Variants in KDM5A observed in about 807,000 individuals in gnomAD.
The protein encoded by KDM5A is lysine-specific demethylase 5A.
A neutral mutation model predicts 193.5 loss-of-function variants in KDM5A; 42 were observed. The observed-to-expected ratio is 0.22, with a 90% CI of 0.17 to 0.28. The LOEUF (loss-of-function observed/expected upper bound fraction) is 0.28, where lower values mean the gene tolerates loss of function less well. KDM5A is among the 10% of genes least tolerant of loss of function. The pLI is 1.00. For synonymous variants in KDM5A, 796 were observed against 718.1 expected (o/e 1.11, Z -1.73); for missense variants, 1,692 against 2,055.1 (o/e 0.82, Z 3.42).
At chr12:369,171 TCAAA>T (rs200920792) in intron 3 of KDM5A, among the ~76,000 whole-genome samples, 1,645 of 152,272 alleles carry the variant, frequency 0.011, 13 homozygotes, top group Middle Eastern at 0.027. Context: ...CCCTCTCTGT[TCAAA>T]CAATCAATCA....
intron 4 of KDM5A, 74 bp from the exon 5 acceptor site, chr12:363,171 A>G: frequency 6.4e-7 from 1 of 1,554,120 alleles, no homozygotes; most frequent in South Asian, 1.1e-5. Context: ...TGTAAAAGTA[A>G]TAAATTGCCA....
intron 27 of KDM5A, among the ~76,000 whole-genome samples, chr12:291,876 T>A (rs1045307091): frequency 6.6e-6 from 1 of 151,782 alleles, no homozygotes; most frequent in Non-Finnish European, 1.5e-5. Context: ...ACTTAAAATT[T>A]AGGGTTGGAA....
At chr12:339,094 C>T (rs949995582) in intron 10 of KDM5A, among the ~76,000 whole-genome samples, 1 of 151,562 alleles carries the variant, frequency 6.6e-6, no homozygotes, top group African/African-American at 2.4e-5. Flanking sequence ...AGGAGAAACG[C>T]CTGAACCCGG....
rs7973426 is a variant in KDM5A at position 284,731 on chromosome 12, C to T, written c.*725G>A. On this transcript the variant is annotated 3_prime_UTR_variant, in exon 28 of 28. Transcript: ENST00000399788. ...AAGACTTTTCAAAGCCAAAAAACGG[C>T]TCCTTGCCTTGTAGTAGGTTCTTCT... The T allele has an allele frequency of 2.2e-3, 510 of 233,028 alleles. 2 individuals carry two copies. Among genetic ancestry groups the T allele is most frequent in the African/African-American group, 0.01 (472 of 45,408 alleles). The allele number at this position is 233,028 out of a possible 1,614,324, so 14.4% of individuals were successfully genotyped here.
chr12:306,371 T>G (rs1943507070), intron 24 of KDM5A, among the ~76,000 whole-genome samples: 1 of 152,222 alleles, frequency 6.6e-6, no homozygotes, highest in Non-Finnish European at 1.5e-5. Flanking sequence ...CTTTACATAT[T>G]GTTTTTCTAG....
chr12:287,835 A>C (rs1401090908), intron 27 of KDM5A, among the ~76,000 whole-genome samples: 2 of 152,200 alleles, frequency 1.3e-5, no homozygotes, highest in African/African-American at 4.8e-5. Flanking sequence ...TACAAAGAAA[A>C]GTGTCCCATG....
chr12:286,568 T>C (rs1186741030), intron 27 of KDM5A, among the ~76,000 whole-genome samples: 5 of 152,310 alleles, frequency 3.3e-5, no homozygotes, highest in East Asian at 3.9e-4. Context: ...GGTCATTTCA[T>C]TGGTAACGTT....
intron 17 of KDM5A, 103 bp downstream of exon 17, chr12:322,314 G>A (rs1401475924): frequency 2.4e-5 from 24 of 982,760 alleles, no homozygotes; most frequent in Non-Finnish European, 3.7e-5. Context: ...ATGGCAACAA[G>A]AGGTCAAAGA....
chr12:362,921 CATCTTTA>C (rs1320760354), intron 5 of KDM5A, 35 bp downstream of exon 5: 1 of 1,592,990 alleles, frequency 6.3e-7, no homozygotes, highest in Admixed American at 1.7e-5. Flanking sequence ...CAGGAGACTA[CATCTTTA>C]TTTAAAAATT....
chr12:358,853 C>T (rs2041299), intron 5 of KDM5A, among the ~76,000 whole-genome samples: 128,295 of 151,994 alleles, frequency 0.84, 54,464 homozygotes, highest in African/African-American at 0.93. Context: ...GTGCCTATAA[C>T]CCCAGCTACT....
chr12:280,794 A>C lies in KDM5A; in HGVS notation c.*4662T>G, dbSNP rs548715660. The C allele has an allele frequency of 6.4e-5, 15 of 232,896 alleles. No individual in the cohort carries two copies. Among genetic ancestry groups the C allele is most frequent in the Non-Finnish European group, 1.0e-4 (12 of 117,872 alleles). The allele number at this position is 232,896 out of a possible 1,614,324, so 14.4% of individuals were successfully genotyped here. A position where few individuals can be genotyped will look rare whatever the true frequency, so the allele number is the denominator to read the frequency against. On this transcript the variant is annotated 3_prime_UTR_variant, in exon 28 of 28. Coordinates refer to ENST00000399788, the MANE Select transcript of KDM5A (RefSeq NM_001042603.3). Reference sequence around the variant, plus strand: ...TTGGTCATCACTGGATTCTTGCTGGAAACAGAAGGCAGGTGAAATCTTCAG... The same window carrying C: ...TTGGTCATCACTGGATTCTTGCTGGCAACAGAAGGCAGGTGAAATCTTCAG...
At position 334,203 on chromosome 12, in the gene KDM5A, G is replaced by C. The variant is rs375074743; in HGVS notation, c.1490+38C>G. The C allele has an allele frequency of 2.6e-6, 4 of 1,560,440 alleles. No homozygotes were observed. In the South Asian group the frequency reaches 3.3e-5, roughly 13 times the overall value. On this transcript the variant is annotated intron_variant, in intron 11 of 27. Coordinates refer to ENST00000399788, the MANE Select transcript of KDM5A (RefSeq NM_001042603.3). ...AGCATCATTAATCCACTAGACTTTA[G>C]TAGAGTTCATGCATGCTGTATTTTA...
At chr12:343,439 T>C (rs1944032180) in intron 10 of KDM5A, among the ~76,000 whole-genome samples, 1 of 152,196 alleles carries the variant, frequency 6.6e-6, no homozygotes, top group South Asian at 2.1e-4. Context: ...CCTCTGAGAA[T>C]GGACAGACTG....
intron 27 of KDM5A, among the ~76,000 whole-genome samples, chr12:288,924 CGT>C (rs144856591): frequency 3.3e-5 from 5 of 152,038 alleles, no homozygotes; most frequent in African/African-American, 9.7e-5. Flanking sequence ...CGCGTGCACG[CGT>C]GTGTGTGTGT....
At chr12:302,502 C>A (rs1005348869) in intron 24 of KDM5A, among the ~76,000 whole-genome samples, 1 of 152,146 alleles carries the variant, frequency 6.6e-6, no homozygotes, top group African/African-American at 2.4e-5. Context: ...CTTCCTTACA[C>A]CTCACACAAA....
intron 3 of KDM5A, 136 bp downstream of exon 3, chr12:383,895 T>C (rs1944608266): frequency 1.1e-6 from 1 of 944,290 alleles, no homozygotes; most frequent in Non-Finnish European, 1.7e-6. Context: ...ATTACAGGCA[T>C]GCGCCACCAT....
At chr12:344,738 G>A (rs1355258130) in intron 10 of KDM5A, among the ~76,000 whole-genome samples, 1 of 152,128 alleles carries the variant, frequency 6.6e-6, no homozygotes, top group East Asian at 1.9e-4. Context: ...TCACCACCAG[G>A]CCTGCCTTAC....
chr12:384,073 A>G lies in KDM5A; in HGVS notation c.324T>C (p.Pro108=), dbSNP rs367757413. The change falls in exon 3 of 28, where the codon CCT becomes CCC. Residue 108 remains proline, a synonymous_variant. Transcript: ENST00000399788. ...WELQGSTLKI[P]VVERKILDLY... is the part of the protein sequence containing the mutation. ...GATCCAGGATTTTTCTCTCTACCAC[A>G]GGGATCTTCAGAGTAGATCCTTGAA... 6.2e-7 allele frequency: 1 copy of G among 1,613,556 alleles called. No individual in the cohort carries two copies. Among genetic ancestry groups the G allele is most frequent in the Admixed American group, 1.7e-5 (1 of 60,020 alleles).
chr12:373,105 A>G (rs1164159821), intron 3 of KDM5A, among the ~76,000 whole-genome samples: 3 of 152,234 alleles, frequency 2.0e-5, no homozygotes, highest in Non-Finnish European at 4.4e-5. Flanking sequence ...TGCTGGCCTC[A>G]TAAAATGAGT....
Sources: allele counts gnomAD v4.1 joint callset (sites outside exome capture counted in the v4.1 genomes callset), GRCh38; gene constraint gnomAD v4.1.1; transcripts MANE v1.5; gene names NCBI Gene and HGNC (gene_info 2026-07-23, HGNC 2026-07-21).